FOXP1: variants seen among roughly 807,000 people sequenced by gnomAD.
The protein encoded by FOXP1 is forkhead box protein P1.
A neutral mutation model predicts 98.2 loss-of-function variants in FOXP1; 15 were observed. The observed-to-expected ratio is 0.15, with a 90% CI of 0.10 to 0.24. The LOEUF is 0.24. Among genes scored for constraint, FOXP1 ranks in the 10% least tolerant of loss-of-function variants. The pLI is 1.00. For missense variants in FOXP1, 633 were observed against 848.5 expected, an observed-to-expected ratio of 0.75 and a Z score of 3.15; for synonymous variants, 371 against 314.5, an observed-to-expected ratio of 1.18 and a Z score of -1.90.
chr3:71,427,958 A>G (rs779329082), intron 3 of FOXP1, among the ~76,000 whole-genome samples: 3 of 152,254 alleles, frequency 2.0e-5, no homozygotes, highest in Admixed American at 6.5e-5. Context: ...ATGAATTCCA[A>G]GAAAAAGATC....
chr3:71,246,580 T>A (rs906700970), intron 5 of FOXP1, among the ~76,000 whole-genome samples: 5 of 152,076 alleles, frequency 3.3e-5, no homozygotes, highest in Admixed American at 3.3e-4. Context: ...TTAAAACATG[T>A]TTAGCATTCT....
intron 4 of FOXP1, among the ~76,000 whole-genome samples, chr3:71,346,518 G>A (rs138661110): frequency 1.4e-3 from 210 of 152,272 alleles, no homozygotes; most frequent in African/African-American, 5.0e-3. Context: ...TAATAGTATA[G>A]TATCCAACCT....
intron 6 of FOXP1, among the ~76,000 whole-genome samples, chr3:71,160,494 G>A (rs965134390): frequency 9.8e-5 from 15 of 152,328 alleles, no homozygotes; most frequent in Admixed American, 9.2e-4. Flanking sequence ...ATAAACCACT[G>A]TTGGCGTTAA....
chr3:71,581,515 C>T, intron 2 of FOXP1, 34 bp downstream of exon 2: 1 of 985,456 alleles, frequency 1.0e-6, no homozygotes, highest in African/African-American at 1.7e-5. Flanking sequence ...CTCCGGTGTC[C>T]CTGGACCCCG....
chr3:70,994,910 A>G (rs2041147729), intron 13 of FOXP1, among the ~76,000 whole-genome samples: 1 of 152,246 alleles, frequency 6.6e-6, no homozygotes, highest in Non-Finnish European at 1.5e-5. Flanking sequence ...AATATACAGC[A>G]GTTTAGCAAT....
At chr3:71,524,221 G>A (rs1021108537) in intron 2 of FOXP1, among the ~76,000 whole-genome samples, 2 of 152,020 alleles carry the variant, frequency 1.3e-5, no homozygotes, top group African/African-American at 2.4e-5. Flanking sequence ...AAATTCAGCC[G>A]GGCATGGTGG....
chr3:70,967,022 A>G (rs963530748), intron 19 of FOXP1, among the ~76,000 whole-genome samples: 1 of 152,210 alleles, frequency 6.6e-6, no homozygotes, highest in Non-Finnish European at 1.5e-5. Context: ...TAAAGAGGAC[A>G]CTTTCAAAAA....
rs115305396 is a variant in FOXP1 at position 71,553,866 on chromosome 3, G to A, written c.-298+27683C>T. ...GAAACTTTGTAGTTTGGTTATCTACGTATATATAAAATTATTTATAAATGT... is the reference window on the plus strand; with the variant it reads ...GAAACTTTGTAGTTTGGTTATCTACATATATATAAAATTATTTATAAATGT... On this transcript the variant is annotated intron_variant, in intron 2 of 20. Transcript: ENST00000649528. 2.8e-3 allele frequency among the ~76,000 whole-genome samples: 422 copies of A among 152,186 alleles called. 2 individuals carry two copies. Among genetic ancestry groups the A allele is most frequent in the African/African-American group, 9.8e-3 (409 of 41,528 alleles).
rs529590829 is a variant in FOXP1, at chr3:70,977,496, T to C, written c.1428+147A>G. 12 of 667,008 alleles carry C rather than the reference T, an allele frequency of 1.8e-5. 1 individual carries two copies. The highest frequency in any genetic ancestry group is 1.3e-4 in the African/African-American group (7 of 55,360). The allele number at this position is 667,008 out of a possible 1,614,324, so 41.3% of individuals were successfully genotyped here. On this transcript the variant is annotated intron_variant, in intron 16 of 20. Coordinates refer to ENST00000649528, the MANE Select transcript of FOXP1 (RefSeq NM_001349338.3). ...TGTAATACTTAATCAAAAGCAATTA[T>C]GTTATATATTGCAGTTTTAAAAAAC...
intron 3 of FOXP1, among the ~76,000 whole-genome samples, chr3:71,441,880 G>A (rs560815850): frequency 2.0e-5 from 3 of 152,298 alleles, no homozygotes; most frequent in East Asian, 1.9e-4. Context: ...GTTTGGATTC[G>A]AGGGGAAATT....
intron 5 of FOXP1, among the ~76,000 whole-genome samples, chr3:71,205,848 A>G (rs2063997714): frequency 6.6e-6 from 1 of 152,232 alleles, no homozygotes; most frequent in African/African-American, 2.4e-5. Flanking sequence ...CAAGCAAGGA[A>G]CACTAAATTG....
chr3:71,072,795 G>T (rs1346263154), intron 7 of FOXP1, among the ~76,000 whole-genome samples: 3 of 152,216 alleles, frequency 2.0e-5, no homozygotes, highest in Non-Finnish European at 4.4e-5. Context: ...AAGGAGAAAT[G>T]AGTTTTAAGC....
chr3:70,997,421 T>C (rs1420668534), intron 13 of FOXP1, among the ~76,000 whole-genome samples: 3 of 152,214 alleles, frequency 2.0e-5, no homozygotes, highest in East Asian at 1.9e-4. Context: ...AGTATAACTG[T>C]ACTGTGTCCC....
At chr3:71,408,428 C>T (rs2082499980) in intron 3 of FOXP1, among the ~76,000 whole-genome samples, 1 of 152,138 alleles carries the variant, frequency 6.6e-6, no homozygotes, top group Admixed American at 6.5e-5. Flanking sequence ...ACAGCCGTTA[C>T]CATGCGCACA....
chr3:71,175,217 T>C (rs1264709049), intron 6 of FOXP1, among the ~76,000 whole-genome samples: 1 of 152,190 alleles, frequency 6.6e-6, no homozygotes, highest in African/African-American at 2.4e-5. Context: ...CGGCCTATTT[T>C]GGACTTTCAA....
In FOXP1 at chr3:71,493,541, A is replaced by C. The variant is rs1010345947; in HGVS notation, c.-283T>G. 2 of 152,192 alleles carry C rather than the reference A, an allele frequency of 1.3e-5. No individual in the cohort carries two copies. Among genetic ancestry groups the C allele is most frequent in the African/African-American group, 4.8e-5 (2 of 41,438 alleles). 9.4% of individuals were successfully genotyped at this position (152,192 alleles called of 1,614,324 possible). ...TGTTCGGAAACTGGAATTGTCAACA[A>C]AAGCTTCTGGGACACTGCAACACAA... On this transcript the variant is annotated 5_prime_UTR_variant, in exon 3 of 21. Coordinates refer to ENST00000649528, the MANE Select transcript of FOXP1 (RefSeq NM_001349338.3).
intron 13 of FOXP1, among the ~76,000 whole-genome samples, chr3:70,994,580 G>A (rs1010094540): frequency 6.6e-6 from 1 of 152,044 alleles, no homozygotes; most frequent in African/African-American, 2.4e-5. Context: ...AAGGCATCCT[G>A]GTCTTACCCT....
intron 6 of FOXP1, among the ~76,000 whole-genome samples, chr3:71,164,852 C>G (rs930438575): frequency 2.6e-5 from 4 of 152,130 alleles, no homozygotes; most frequent in Non-Finnish European, 5.9e-5. Flanking sequence ...AATCCAATGT[C>G]CCCCCTCTTC....
chr3:71,020,043 T>C (rs545466954), intron 11 of FOXP1, among the ~76,000 whole-genome samples: 43 of 152,324 alleles, frequency 2.8e-4, no homozygotes, highest in African/African-American at 9.9e-4. Flanking sequence ...TGAGAAACTA[T>C]CGTTATGACA....
Sources: allele counts gnomAD v4.1 joint callset (sites outside exome capture counted in the v4.1 genomes callset), GRCh38; gene constraint gnomAD v4.1.1; transcripts MANE v1.5; gene names NCBI Gene and HGNC (gene_info 2026-07-23, HGNC 2026-07-21).